SLC44A5: variants seen among roughly 807,000 people sequenced by gnomAD.
The protein encoded by SLC44A5 is solute carrier family 44 member 5.
SLC44A5 carries 57 observed loss-of-function variants against 101.8 expected under a neutral mutation model. The observed-to-expected ratio is 0.56, with a 90% CI of 0.45 to 0.70. The LOEUF (loss-of-function observed/expected upper bound fraction) is 0.70, where lower values mean the gene tolerates loss of function less well. Among genes scored for constraint, SLC44A5 ranks in the 30% least tolerant of loss-of-function variants. The pLI, the probability that SLC44A5 is intolerant of heterozygous loss-of-function variation, is 0.00. For missense variants in SLC44A5, 737 were observed against 853.1 expected (o/e 0.86, Z 1.70); for synonymous variants, 281 against 290.9 (o/e 0.97, Z 0.35).
chr1:75,672,539 T>C, the SLC44A5 span, among the ~76,000 whole-genome samples: 1 of 152,078 alleles, frequency 6.6e-6, no homozygotes, highest in African/African-American at 2.4e-5. Context: ...AGGACAGCAA[T>C]TCCTGGGCAA....
chr1:75,441,561 A>AGCTT (rs1665202998), intron 2 of SLC44A5, among the ~76,000 whole-genome samples: 1 of 152,174 alleles, frequency 6.6e-6, no homozygotes, highest in East Asian at 1.9e-4. Context: ...AATAATAAAC[A>AGCTT]TAATTGAATT....
At chr1:75,462,577 C>T (rs544912966) in intron 2 of SLC44A5, among the ~76,000 whole-genome samples, 6 of 152,096 alleles carry the variant, frequency 3.9e-5, no homozygotes, top group Admixed American at 1.3e-4. Context: ...AACAGATATG[C>T]GACCTTTCAG....
intron 3 of SLC44A5, among the ~76,000 whole-genome samples, chr1:75,348,911 C>T (rs1029633297): frequency 6.6e-6 from 1 of 152,090 alleles, no homozygotes; most frequent in African/African-American, 2.4e-5. Flanking sequence ...AAACGAAAGT[C>T]ACAGCAAATG....
intron 5 of SLC44A5, among the ~76,000 whole-genome samples, chr1:75,285,732 A>T (rs1652982555): frequency 6.6e-6 from 1 of 152,066 alleles, no homozygotes; most frequent in Admixed American, 6.6e-5. Flanking sequence ...TTGACCCAAT[A>T]ATAATTCAGG....
chr1:75,246,596 A>T (rs572731594), intron 7 of SLC44A5, among the ~76,000 whole-genome samples: 1 of 152,204 alleles, frequency 6.6e-6, no homozygotes, highest in East Asian at 1.9e-4. Context: ...GATGGTAATA[A>T]ATAGTAGTAA....
chr1:75,357,513 C>T (rs12408827), intron 3 of SLC44A5, among the ~76,000 whole-genome samples: 13,841 of 152,164 alleles, frequency 0.091, 860 homozygotes, highest in Admixed American at 0.2. Context: ...TGTACAAAGA[C>T]TGTAACACAA....
chr1:75,290,175 A>G (rs1653419400), intron 5 of SLC44A5, among the ~76,000 whole-genome samples: 1 of 152,168 alleles, frequency 6.6e-6, no homozygotes, highest in African/African-American at 2.4e-5. Flanking sequence ...GATGACCAAC[A>G]CTGAACCCCA....
chr1:75,723,943 A>C, the SLC44A5 span: 2 of 152,174 alleles, frequency 1.3e-5, no homozygotes, highest in African/African-American at 4.8e-5. Flanking sequence ...ATAAGCTACC[A>C]TCTCAAAACT....
At chr1:75,399,999 G>A (rs998853310) in intron 2 of SLC44A5, among the ~76,000 whole-genome samples, 3 of 152,142 alleles carry the variant, frequency 2.0e-5, no homozygotes, top group Non-Finnish European at 4.4e-5. Flanking sequence ...ATACTAAGCC[G>A]CTGTTAAAAA....
At chr1:75,527,130 G>A (rs1451648044) in intron 2 of SLC44A5, among the ~76,000 whole-genome samples, 4 of 141,408 alleles carry the variant, frequency 2.8e-5, no homozygotes, top group Admixed American at 1.4e-4. Flanking sequence ...GCAAGACACT[G>A]TCGCAAAAAA....
At position 75,274,957 on chromosome 1, in the gene SLC44A5, C is replaced by T; in HGVS notation, c.260+1G>A. 1 of 1,611,298 alleles carries T rather than the reference C, an allele frequency of 6.2e-7. No homozygotes were observed. The highest frequency in any genetic ancestry group is 8.5e-7 in the Non-Finnish European group (1 of 1,178,494). ...CACAAAGCAAAGGTGGCCATACTCA[C>T]TCATTGGGAGTGCCCTTCTGGCCAC... On this transcript the variant is annotated splice_donor_variant, in intron 6 of 23. Transcript: ENST00000370859. LOFTEE classifies it high-confidence loss of function.
At chr1:75,683,501 C>G in the SLC44A5 span, among the ~76,000 whole-genome samples, 1 of 151,672 alleles carries the variant, frequency 6.6e-6, no homozygotes, top group Non-Finnish European at 1.5e-5. Flanking sequence ...TAAACTATCA[C>G]AAGAACAAAA....
chr1:75,298,296 AG>A (rs111638494), intron 5 of SLC44A5, among the ~76,000 whole-genome samples: 268 of 152,026 alleles, frequency 1.8e-3, no homozygotes, highest in African/African-American at 5.8e-3. Flanking sequence ...ATTAAAAAAA[AG>A]GTATATATAT....
At chr1:75,393,408 T>C (rs1315035579) in intron 3 of SLC44A5, among the ~76,000 whole-genome samples, 1 of 152,222 alleles carries the variant, frequency 6.6e-6, no homozygotes, top group East Asian at 1.9e-4. Flanking sequence ...TCATGTTTTA[T>C]GTTATTACAA....
intron 2 of SLC44A5, among the ~76,000 whole-genome samples, chr1:75,476,420 A>G (rs1051295994): frequency 6.6e-6 from 1 of 152,080 alleles, no homozygotes; most frequent in African/African-American, 2.4e-5. Context: ...GGTGCAGCGC[A>G]CCGTGCACGA....
At chr1:75,448,987 C>A (rs1320393695) in intron 2 of SLC44A5, among the ~76,000 whole-genome samples, 1 of 152,132 alleles carries the variant, frequency 6.6e-6, no homozygotes, top group African/African-American at 2.4e-5. Flanking sequence ...CCACAGCATG[C>A]TCTCTCCCAC....
the SLC44A5 span, among the ~76,000 whole-genome samples, chr1:75,630,327 T>A: frequency 2.0e-5 from 3 of 152,184 alleles, no homozygotes; most frequent in African/African-American, 7.2e-5. Context: ...GTTACAATCA[T>A]TTCCATAGGG....
At chr1:75,592,007 A>G (rs1414611003) in intron 1 of SLC44A5, among the ~76,000 whole-genome samples, 1 of 152,306 alleles carries the variant, frequency 6.6e-6, no homozygotes, top group South Asian at 2.1e-4. Context: ...GTTATTCAAC[A>G]TAGTACTGGA....
chr1:75,293,689 ATGT>A (rs1653747954), intron 5 of SLC44A5, among the ~76,000 whole-genome samples: 1 of 152,168 alleles, frequency 6.6e-6, no homozygotes. Flanking sequence ...GATAAGAAAA[ATGT>A]TGTTTGTCAT....
Sources: gnomAD v4.1 joint callset for allele counts (sites outside exome capture counted in the v4.1 genomes callset) on GRCh38, gnomAD v4.1.1 for gene constraint, MANE v1.5 for transcripts, NCBI Gene and HGNC (gene_info 2026-07-23, HGNC 2026-07-21) for gene names.